The following TGFBR3 variants were observed in gnomAD, a reference collection of about 807,000 sequenced individuals.
The protein encoded by TGFBR3 is transforming growth factor beta receptor 3, also known as transforming growth factor beta receptor type 3.
Under a neutral mutation model 87.9 loss-of-function variants are expected in TGFBR3, and 46 were observed. That is an observed-to-expected ratio of 0.52 (90% confidence interval 0.41 to 0.67). The LOEUF is 0.67. TGFBR3 is among the 30% of genes least tolerant of loss of function. TGFBR3 has a pLI of 0.00. For synonymous variants in TGFBR3, 381 were observed against 391.6 expected, an observed-to-expected ratio of 0.97 and a Z score of 0.32; for missense variants, 866 against 1,041.9, an observed-to-expected ratio of 0.83 and a Z score of 2.32.
At chr1:91,862,931 A>G (rs1028977440) in intron 1 of TGFBR3, among the ~76,000 whole-genome samples, 7 of 152,206 alleles carry the variant, frequency 4.6e-5, no homozygotes, top group Admixed American at 2.0e-4. Flanking sequence ...GACAAAGCCA[A>G]TGTGGGCGCT....
At chr1:91,754,180 T>C (rs982566215) in intron 4 of TGFBR3, among the ~76,000 whole-genome samples, 16 of 151,950 alleles carry the variant, frequency 1.1e-4, no homozygotes, top group African/African-American at 3.9e-4. Context: ...TAAATTGTAG[T>C]ATGTCCTTAA....
intron 2 of TGFBR3, among the ~76,000 whole-genome samples, chr1:91,800,236 A>G (rs560078481): frequency 2.3e-5 from 3 of 132,998 alleles, no homozygotes; most frequent in African/African-American, 9.2e-5. Context: ...TACAAAAAAA[A>G]AAAAAATATA....
chr1:91,727,884 A>G (rs564491609), intron 6 of TGFBR3, 78 bp from the exon 7 acceptor site: 1 of 1,552,582 alleles, frequency 6.4e-7, no homozygotes, highest in East Asian at 2.3e-5. Context: ...CCAAGTCTTC[A>G]TGTTTCTAGT....
rs143204351 is a variant in TGFBR3 at position 91,869,060 on chromosome 1, C to T, written c.-113-7416G>A. On this transcript the variant is annotated intron_variant, in intron 1 of 16. Coordinates refer to ENST00000212355, the MANE Select transcript of TGFBR3 (RefSeq NM_003243.5). ...CTTCCAAAAGTGATGTTCACTATATCGGAACTCAACATCCCTCCATGGTCC... is the reference window on the plus strand; with the variant it reads ...CTTCCAAAAGTGATGTTCACTATATTGGAACTCAACATCCCTCCATGGTCC... Among the ~76,000 whole-genome samples the T allele has an allele frequency of 3.7e-4, 56 of 152,258 alleles. No homozygotes were observed. The East Asian group carries it at 0.01, about 27-fold the overall frequency.
intron 2 of TGFBR3, among the ~76,000 whole-genome samples, chr1:91,799,795 C>T (rs569634334): frequency 1.3e-5 from 2 of 152,242 alleles, no homozygotes; most frequent in South Asian, 4.2e-4. Context: ...CTTAAATCAC[C>T]ATACTGCTCA....
At chr1:91,784,632 T>C (rs1389259388) in intron 3 of TGFBR3, among the ~76,000 whole-genome samples, 1 of 152,146 alleles carries the variant, frequency 6.6e-6, no homozygotes, top group Non-Finnish European at 1.5e-5. Context: ...AGCTAAGACC[T>C]AAGCATGGGC....
At chr1:91,794,944 G>A (rs1001881100) in intron 3 of TGFBR3, among the ~76,000 whole-genome samples, 2 of 152,236 alleles carry the variant, frequency 1.3e-5, no homozygotes, top group Non-Finnish European at 2.9e-5. Context: ...TTTAAAAACT[G>A]TTTGCATAGC....
chr1:91,815,301 AAAAATAAAATAAAAT>A (rs71586714), intron 2 of TGFBR3, among the ~76,000 whole-genome samples: 19 of 141,170 alleles, frequency 1.3e-4, no homozygotes, highest in East Asian at 6.4e-4. Context: ...GACTCCATCT[AAAAATAAAATAAAAT>A]AAAATAAAAT....
intron 14 of TGFBR3, among the ~76,000 whole-genome samples, chr1:91,704,743 A>G (rs1193828780): frequency 6.6e-6 from 1 of 152,198 alleles, no homozygotes; most frequent in Non-Finnish European, 1.5e-5. Context: ...CTAACCCAAC[A>G]CTGATTCCCA....
chr1:91,702,636 C>T (rs1341314954), intron 14 of TGFBR3, among the ~76,000 whole-genome samples: 1 of 152,184 alleles, frequency 6.6e-6, no homozygotes, highest in Non-Finnish European at 1.5e-5. Flanking sequence ...TCCTTCAAAA[C>T]AATCCAGTGG....
intron 2 of TGFBR3, among the ~76,000 whole-genome samples, chr1:91,842,107 AAAAG>A (rs1203371057): frequency 1.6e-4 from 24 of 152,198 alleles, no homozygotes; most frequent in African/African-American, 3.4e-4. Context: ...GCCAAAAAAA[AAAAG>A]AAAGAAAGAA....
chr1:91,746,545 A>G (rs72714497), intron 4 of TGFBR3, among the ~76,000 whole-genome samples: 5,319 of 152,292 alleles, frequency 0.035, 126 homozygotes, highest in African/African-American at 0.064. Context: ...CATTACTATT[A>G]CTTGCCATAT....
chr1:91,903,425 T>C lies in TGFBR3; in HGVS notation c.-175+2401A>G, dbSNP rs182043686. 7.0e-4 allele frequency among the ~76,000 whole-genome samples: 106 copies of C among 151,136 alleles called. 1 individual carries two copies. Among genetic ancestry groups the C allele is most frequent in the African/African-American group, 2.3e-3 (93 of 41,268 alleles). ...GAATTTATCATTCAGATAATGATTG[T>C]TGATGGCAAATTCTGATTATCTATA... On this transcript the variant is annotated intron_variant, in intron 1 of 17. Coordinates refer to the TGFBR3 transcript ENST00000370399.
intron 3 of TGFBR3, chr1:91,786,092 A>C: frequency 2.4e-6 from 1 of 418,290 alleles, no homozygotes; most frequent in Middle Eastern, 5.9e-4. Context: ...TATATTAGTC[A>C]TATTATTTGT....
chr1:91,899,336 T>C (rs1472369180), intron 2 of TGFBR3, among the ~76,000 whole-genome samples: 1 of 152,098 alleles, frequency 6.6e-6, no homozygotes, highest in Non-Finnish European at 1.5e-5. Flanking sequence ...TGAGATCCTG[T>C]CTCTACAAAA....
intron 2 of TGFBR3, among the ~76,000 whole-genome samples, chr1:91,855,073 G>A (rs2101161701): frequency 6.6e-6 from 1 of 152,292 alleles, no homozygotes; most frequent in South Asian, 2.1e-4. Context: ...CTCTCCCACA[G>A]ACACAAAGAG....
At chr1:91,820,244 A>C (rs1676392164) in intron 2 of TGFBR3, among the ~76,000 whole-genome samples, 1 of 152,214 alleles carries the variant, frequency 6.6e-6, no homozygotes, top group Non-Finnish European at 1.5e-5. Flanking sequence ...AAGGCATTAC[A>C]TCATAACTGT....
chr1:91,768,392 T>A (rs1367681801), intron 3 of TGFBR3, among the ~76,000 whole-genome samples: 2 of 152,176 alleles, frequency 1.3e-5, no homozygotes, highest in African/African-American at 2.4e-5. Context: ...GTCCAGTATC[T>A]AGCACTTACA....
chr1:91,771,443 G>T (rs284193), intron 3 of TGFBR3, among the ~76,000 whole-genome samples: 1 of 151,904 alleles, frequency 6.6e-6, no homozygotes, highest in Non-Finnish European at 1.5e-5. Flanking sequence ...GGTGGCTCAC[G>T]TCTGTAATCC....
Sources: allele counts gnomAD v4.1 joint callset (sites outside exome capture counted in the v4.1 genomes callset), GRCh38; gene constraint gnomAD v4.1.1; transcripts MANE v1.5; gene names NCBI Gene and HGNC (gene_info 2026-07-23, HGNC 2026-07-21).